ENPP1: variants seen among roughly 807,000 people sequenced by gnomAD.
The protein encoded by ENPP1 is ectonucleotide pyrophosphatase/phosphodiesterase family member 1.
In ENPP1, 73 loss-of-function variants were observed where a neutral mutation model predicts 122.8. The observed-to-expected ratio is 0.59, with a 90% CI of 0.49 to 0.72. The LOEUF (loss-of-function observed/expected upper bound fraction) is 0.72, where lower values mean the gene tolerates loss of function less well. Ranked by LOEUF, ENPP1 falls within the 30% of genes least tolerant of loss-of-function variation. ENPP1 has a pLI of 0.00. For missense variants in ENPP1, 978 were observed against 1,128.1 expected, an observed-to-expected ratio of 0.87 and a Z score of 1.91; for synonymous variants, 367 against 391.6, an observed-to-expected ratio of 0.94 and a Z score of 0.74.
At chr6:131,821,039 T>G (rs1261597555) in intron 1 of ENPP1, among the ~76,000 whole-genome samples, 1 of 152,194 alleles carries the variant, frequency 6.6e-6, no homozygotes, top group African/African-American at 2.4e-5. Context: ...GACTGAGAAT[T>G]TTTTATTTTA....
At chr6:131,842,335 A>C (rs1253395540) in intron 1 of ENPP1, among the ~76,000 whole-genome samples, 1 of 152,208 alleles carries the variant, frequency 6.6e-6, no homozygotes, top group African/African-American at 2.4e-5. Context: ...TGCATGAAGC[A>C]CCATGGCGTA....
intron 1 of ENPP1, among the ~76,000 whole-genome samples, chr6:131,816,405 G>C (rs572268038): frequency 6.6e-6 from 1 of 152,088 alleles, no homozygotes; most frequent in Non-Finnish European, 1.5e-5. Flanking sequence ...AAACCTTTTA[G>C]CAAATGAGCT....
intron 1 of ENPP1, chr6:131,825,928 G>T: frequency 2.3e-6 from 1 of 427,576 alleles, no homozygotes. Context: ...CTTATTTAAA[G>T]CCCTGGAGCA....
chr6:131,847,918 G>T, intron 2 of ENPP1, 70 bp downstream of exon 2: 1 of 1,172,278 alleles, frequency 8.5e-7, no homozygotes, highest in Non-Finnish European at 1.2e-6. Flanking sequence ...GCCTTATTAA[G>T]AATGTGATTG....
At chr6:131,836,587 A>T (rs1296173318) in intron 1 of ENPP1, among the ~76,000 whole-genome samples, 2 of 152,182 alleles carry the variant, frequency 1.3e-5, no homozygotes, top group African/African-American at 2.4e-5. Flanking sequence ...TAATAGAAGA[A>T]CTTGGCGTTT....
chr6:131,837,877 C>G (rs902400059), intron 1 of ENPP1, among the ~76,000 whole-genome samples: 3 of 152,088 alleles, frequency 2.0e-5, no homozygotes, highest in Admixed American at 2.0e-4. Flanking sequence ...GCTCTTAAAT[C>G]ATTGAGTTAA....
At chr6:131,824,149 A>T (rs542257836) in intron 1 of ENPP1, among the ~76,000 whole-genome samples, 2 of 152,216 alleles carry the variant, frequency 1.3e-5, no homozygotes, top group South Asian at 4.1e-4. Context: ...TTATCGAAGA[A>T]TTATACAAGA....
chr6:131,828,672 G>A (rs953224390), intron 1 of ENPP1, among the ~76,000 whole-genome samples: 1 of 152,110 alleles, frequency 6.6e-6, no homozygotes, highest in Non-Finnish European at 1.5e-5. Context: ...AGTACCTGTG[G>A]GCCATCCAGG....
At chr6:131,860,839 T>C (rs1782013881) in intron 8 of ENPP1, among the ~76,000 whole-genome samples, 1 of 152,186 alleles carries the variant, frequency 6.6e-6, no homozygotes, top group Non-Finnish European at 1.5e-5. Flanking sequence ...CGTCTTGGTT[T>C]TATTTGCCTG....
chr6:131,878,856 G>A (rs1054467464), intron 19 of ENPP1, among the ~76,000 whole-genome samples: 1 of 152,138 alleles, frequency 6.6e-6, no homozygotes, highest in Non-Finnish European at 1.5e-5. Flanking sequence ...ACATGATGGA[G>A]GTGTTCAAAA....
At chr6:131,823,790 G>A (rs993501549) in intron 1 of ENPP1, among the ~76,000 whole-genome samples, 5 of 152,080 alleles carry the variant, frequency 3.3e-5, no homozygotes, top group African/African-American at 9.7e-5. Flanking sequence ...GTGCTGGAGT[G>A]TAAATCGCAT....
chr6:131,831,114 CAAAAAAAAA>C (rs3036850), intron 1 of ENPP1, among the ~76,000 whole-genome samples: 2 of 60,018 alleles, frequency 3.3e-5, no homozygotes, highest in African/African-American at 6.5e-5. Flanking sequence ...GCCCATCTCT[CAAAAAAAAA>C]AAAAAAAAAA....
chr6:131,833,525 G>A (rs1459449687), intron 1 of ENPP1, among the ~76,000 whole-genome samples: 1 of 151,940 alleles, frequency 6.6e-6, no homozygotes, highest in Non-Finnish European at 1.5e-5. Context: ...GAACTCAAAT[G>A]TATCAACTTT....
In ENPP1 at chr6:131,890,536, T is replaced by C; in HGVS notation, c.*25T>C. ...ATATGTTTTTTATCCCCAAACACCATGAATCTTTTTGAGAGAACCTTATAT... is the reference window on the plus strand; with the variant it reads ...ATATGTTTTTTATCCCCAAACACCACGAATCTTTTTGAGAGAACCTTATAT... On this transcript the variant is annotated 3_prime_UTR_variant, in exon 25 of 25. Coordinates refer to ENST00000647893, the MANE Select transcript of ENPP1 (RefSeq NM_006208.3). 1 of 1,582,358 alleles carries C rather than the reference T, an allele frequency of 6.3e-7. No homozygotes were observed. The highest frequency in any genetic ancestry group is 8.7e-7 in the Non-Finnish European group (1 of 1,151,148).
intron 5 of ENPP1, among the ~76,000 whole-genome samples, chr6:131,854,515 G>A (rs1781921098): frequency 6.6e-6 from 1 of 152,088 alleles, no homozygotes; most frequent in African/African-American, 2.4e-5. Context: ...GAAAGTGGTG[G>A]TTCAGGAAGA....
intron 2 of ENPP1, 54 bp from the exon 3 acceptor site, chr6:131,849,936 A>T: frequency 1.6e-6 from 2 of 1,268,954 alleles, no homozygotes; most frequent in Non-Finnish European, 2.3e-6. Flanking sequence ...GTTGATGTTT[A>T]CTTTGAATTA....
intron 1 of ENPP1, among the ~76,000 whole-genome samples, chr6:131,842,821 C>T (rs1469911264): frequency 2.0e-5 from 3 of 152,134 alleles, no homozygotes; most frequent in African/African-American, 7.2e-5. Flanking sequence ...TCAATGAATG[C>T]CTGATACAGA....
chr6:131,825,841 A>T, intron 1 of ENPP1: 1 of 216,146 alleles, frequency 4.6e-6, no homozygotes, highest in Non-Finnish European at 9.3e-6. Context: ...TCTAATTATA[A>T]GCTCATATAT....
chr6:131,838,190 C>T (rs1781700078), intron 1 of ENPP1, among the ~76,000 whole-genome samples: 1 of 151,966 alleles, frequency 6.6e-6, no homozygotes, highest in Non-Finnish European at 1.5e-5. Flanking sequence ...GACAGATTCA[C>T]TTCAAAAGGA....
Sources: gnomAD v4.1 joint callset for allele counts (sites outside exome capture counted in the v4.1 genomes callset) on GRCh38, gnomAD v4.1.1 for gene constraint, MANE v1.5 for transcripts, NCBI Gene and HGNC (gene_info 2026-07-23, HGNC 2026-07-21) for gene names.